Variants in PLXNA2 observed in about 807,000 individuals in gnomAD.
PLXNA2 encodes the protein plexin A2.
PLXNA2 carries 91 observed loss-of-function variants against 193.5 expected under a neutral mutation model. The ratio of observed to expected loss-of-function variants is 0.47; its 90% CI spans 0.40 to 0.56. The LOEUF is 0.56. PLXNA2 is among the 20% of genes least tolerant of loss of function. The probability of loss-of-function intolerance (pLI) is 0.00; values close to 1 mark genes in which losing one functional copy is unlikely to be tolerated. For synonymous variants in PLXNA2, 997 were observed against 1,027.3 expected, an observed-to-expected ratio of 0.97 and a Z score of 0.56; for missense variants, 1,995 against 2,503.2, an observed-to-expected ratio of 0.80 and a Z score of 4.33.
At chr1:208,225,700 A>G (rs568562869) in intron 1 of PLXNA2, among the ~76,000 whole-genome samples, 32 of 152,248 alleles carry the variant, frequency 2.1e-4, no homozygotes, top group African/African-American at 6.5e-4. Flanking sequence ...GTCCTTATAA[A>G]AAGGGGGAAA....
chr1:208,196,204 C>A (rs1670354054), intron 3 of PLXNA2, among the ~76,000 whole-genome samples: 1 of 152,180 alleles, frequency 6.6e-6, no homozygotes, highest in Admixed American at 6.5e-5. Flanking sequence ...CCAACACCAA[C>A]AATCACCCAA....
chr1:208,221,246 A>G (rs1011695622), intron 1 of PLXNA2, among the ~76,000 whole-genome samples: 1 of 151,944 alleles, frequency 6.6e-6, no homozygotes, highest in Non-Finnish European at 1.5e-5. Flanking sequence ...AACCTATAAG[A>G]TTTCCTTTTT....
rs371941897 is a variant in PLXNA2 at position 208,039,453 on chromosome 1, C to T, written c.4500+168G>A. Among the ~76,000 whole-genome samples the T allele has an allele frequency of 1.1e-3, 144 of 135,128 alleles. 1 individual carries two copies. The highest frequency in any genetic ancestry group is 9.6e-3 in the East Asian group (37 of 3,860). 88.6% of individuals were successfully genotyped at this position (135,128 alleles called of 152,430 possible). On this transcript the variant is annotated intron_variant, in intron 24 of 31. Transcript: ENST00000367033. ...GCATAGAGTGCTTGGGATGGGTGGG[C>T]GGGCCTGCCACCTTGCTCTTGGTAC...
At chr1:208,083,183 G>C (rs1342243905) in intron 10 of PLXNA2, among the ~76,000 whole-genome samples, 1 of 152,090 alleles carries the variant, frequency 6.6e-6, no homozygotes, top group Non-Finnish European at 1.5e-5. Flanking sequence ...ACAGCTTTCC[G>C]GACACAGACC....
At chr1:208,142,218 G>C in intron 4 of PLXNA2, 111 bp downstream of exon 4, 1 of 1,229,698 alleles carries the variant, frequency 8.1e-7, no homozygotes, top group Non-Finnish European at 1.1e-6. Context: ...AGACCCCTGT[G>C]CTGCAAGCCC....
intron 12 of PLXNA2, 105 bp from the exon 13 acceptor site, chr1:208,060,942 T>C: frequency 1.1e-6 from 1 of 945,350 alleles, no homozygotes; most frequent in Non-Finnish European, 1.6e-6. Flanking sequence ...CATAGGTTCT[T>C]AAATTCCTCC....
intron 22 of PLXNA2, among the ~76,000 whole-genome samples, chr1:208,041,395 C>T (rs1162903017): frequency 1.3e-5 from 2 of 152,306 alleles, no homozygotes; most frequent in East Asian, 3.9e-4. Flanking sequence ...GTCTCCAACC[C>T]TCTCCCCTGC....
At chr1:208,099,058 G>A in intron 5 of PLXNA2, 89 bp from the exon 6 acceptor site, 2 of 1,499,014 alleles carry the variant, frequency 1.3e-6, no homozygotes, top group Non-Finnish European at 1.8e-6. Context: ...GGAGTTTGCT[G>A]CCCTGAGGCC....
At chr1:208,163,569 CTG>C (rs1401966312) in intron 3 of PLXNA2, among the ~76,000 whole-genome samples, 1 of 152,326 alleles carries the variant, frequency 6.6e-6, no homozygotes, top group Admixed American at 6.5e-5. Flanking sequence ...GAGCTCTAAA[CTG>C]TGCATATTAG....
intron 3 of PLXNA2, among the ~76,000 whole-genome samples, chr1:208,162,664 G>C (rs1456939064): frequency 2.6e-5 from 4 of 152,156 alleles, no homozygotes; most frequent in Non-Finnish European, 5.9e-5. Context: ...AACAGGTACT[G>C]TTCCGTGTGC....
At chr1:208,182,068 C>CTCT (rs1669860501) in intron 3 of PLXNA2, among the ~76,000 whole-genome samples, 1 of 93,302 alleles carries the variant, frequency 1.1e-5, no homozygotes, top group Non-Finnish European at 2.4e-5. Context: ...AGCTCAGCTC[C>CTCT]AGAGCTTAGA....
rs1238248476 is a variant in PLXNA2, at chr1:208,168,720, C to T, written c.1372-26257G>A. Among the ~76,000 whole-genome samples, 8 of 27,354 alleles carry T rather than the reference C, an allele frequency of 2.9e-4. No individual in the cohort carries two copies. In the South Asian group the frequency reaches 4.7e-3, roughly 16 times the overall value. 17.9% of individuals were successfully genotyped at this position (27,354 alleles called of 152,430 possible). ...AGACAAAAAGAAGACAAAGAGTATG[C>T]GGGGTTTTTTTTTTTTTTTTTTTTT... On this transcript the variant is annotated intron_variant, in intron 3 of 31. Transcript: ENST00000367033.
intron 5 of PLXNA2, among the ~76,000 whole-genome samples, chr1:208,102,929 G>A (rs989382486): frequency 6.6e-6 from 1 of 152,220 alleles, no homozygotes; most frequent in Non-Finnish European, 1.5e-5. Flanking sequence ...GAATTTGGAA[G>A]TAAAATGGAA....
intron 4 of PLXNA2, among the ~76,000 whole-genome samples, chr1:208,121,466 T>G (rs186473083): frequency 0.012 from 1,755 of 152,166 alleles, 53 homozygotes; most frequent in East Asian, 0.091. Context: ...CAGGTGGAGG[T>G]AATTGAATCA....
At chr1:208,241,340 G>A (rs376573769) in intron 1 of PLXNA2, among the ~76,000 whole-genome samples, 1 of 152,164 alleles carries the variant, frequency 6.6e-6, no homozygotes, top group Non-Finnish European at 1.5e-5. Flanking sequence ...ATGTTCCCTG[G>A]TGCTCTGAAG....
intron 3 of PLXNA2, among the ~76,000 whole-genome samples, chr1:208,198,833 G>C (rs1366900077): frequency 6.6e-6 from 1 of 152,208 alleles, no homozygotes; most frequent in Non-Finnish European, 1.5e-5. Context: ...TGGAGTCAGA[G>C]AGCTCTGGAT....
At position 208,214,544 on chromosome 1, in the gene PLXNA2, T is replaced by C. The variant is rs527430802; in HGVS notation, c.1188+2191A>G. On this transcript the variant is annotated intron_variant, in intron 2 of 31. Transcript: ENST00000367033. ...TGGAATGATGTTTTCTTGCTTCAAG[T>C]ACTGGTGCTTGGTCCCAACGGCAGG... is the stretch of plus-strand genomic sequence containing the variant. Among the ~76,000 whole-genome samples, 5 of 152,330 alleles carry C rather than the reference T, an allele frequency of 3.3e-5. No individual in the cohort carries two copies. In the South Asian group the frequency reaches 1.0e-3, roughly 32 times the overall value.
chr1:208,046,167 C>A, intron 17 of PLXNA2, 50 bp from the exon 18 acceptor site: 1 of 1,572,214 alleles, frequency 6.4e-7, no homozygotes. Context: ...TGGCACAGAG[C>A]CCAGGGGCCC....
chr1:208,197,663 T>A (rs1437336188), intron 3 of PLXNA2, among the ~76,000 whole-genome samples: 2 of 152,208 alleles, frequency 1.3e-5, no homozygotes, highest in East Asian at 3.9e-4. Flanking sequence ...GCTTAGGGTA[T>A]GAGGAAAATT....
Sources: allele counts gnomAD v4.1 joint callset (sites outside exome capture counted in the v4.1 genomes callset), GRCh38; gene constraint gnomAD v4.1.1; transcripts MANE v1.5; gene names NCBI Gene and HGNC (gene_info 2026-07-23, HGNC 2026-07-21).